The following ATRX variants were observed in gnomAD, a reference collection of about 807,000 sequenced individuals.
The protein encoded by ATRX is chromatin remodeler ATRX.
Under a neutral mutation model 172.6 loss-of-function variants are expected in ATRX, and 12 were observed. That is an observed-to-expected ratio of 0.07 (90% CI 0.04 to 0.11). The LOEUF is 0.11. ATRX is among the 10% of genes least tolerant of loss of function. The pLI is 1.00. For missense variants in ATRX, 1,368 were observed against 1,767.4 expected, an observed-to-expected ratio of 0.77 and a Z score of 4.05; for synonymous variants, 674 against 594.7, an observed-to-expected ratio of 1.13 and a Z score of -1.94.
chrX:77,718,972 T>C (rs187150732), intron 1 of ATRX, among the ~76,000 whole-genome samples: 1 of 110,590 alleles, frequency 9.0e-6, no homozygotes, highest in African/African-American at 3.3e-5. Flanking sequence ...ATTTTTTCTT[T>C]AATTTTTTGT....
chrX:77,599,330 T>C (rs1557085642), intron 25 of ATRX, 81 bp downstream of exon 25: 1 of 1,068,780 alleles, frequency 9.4e-7, no homozygotes, highest in Non-Finnish European at 1.3e-6. Flanking sequence ...ATTAGTCAGG[T>C]AAGTGACTGA....
intron 1 of ATRX, among the ~76,000 whole-genome samples, chrX:77,773,054 C>A (rs781876183): frequency 1.1e-5 from 1 of 88,852 alleles, no homozygotes; most frequent in Non-Finnish European, 2.2e-5. Flanking sequence ...ACTATGTTGC[C>A]CAGGCTGGAG....
intron 1 of ATRX, among the ~76,000 whole-genome samples, chrX:77,743,247 C>A (rs997786645): frequency 9.0e-6 from 1 of 111,122 alleles, no homozygotes; most frequent in Non-Finnish European, 1.9e-5. Flanking sequence ...GAAGGAACTC[C>A]GCCTGGACTG....
In ATRX at chrX:77,545,857, G is replaced by A. The variant is rs917533169; in HGVS notation, c.6699+11594C>T. Among the ~76,000 whole-genome samples the A allele has an allele frequency of 2.7e-5, 3 of 111,075 alleles. No homozygotes were observed. In the Admixed American group the frequency reaches 2.9e-4, roughly 11 times the overall value. Reference sequence around the variant, plus strand: ...GATTCAAACCCTGGTCTTGCCCCAGGACCCCTGTCCTTAACCACTCTGCTA... The same window carrying A: ...GATTCAAACCCTGGTCTTGCCCCAGAACCCCTGTCCTTAACCACTCTGCTA... On this transcript the variant is annotated intron_variant, in intron 30 of 34. Coordinates refer to ENST00000373344, the MANE Select transcript of ATRX (RefSeq NM_000489.6).
chrX:77,600,570 C>G lies in ATRX; in HGVS notation c.5567-6G>C, dbSNP rs782742107. On this transcript the variant is annotated splice_region_variant and splice_polypyrimidine_tract_variant and intron_variant, in intron 22 of 34. Transcript: ENST00000373344. ...TTCACTATTATTGCCCACACCTGAT[C>G]AAAAGAAATATGGTTAAAGACACAA... 8.3e-7 allele frequency: 1 copy of G among 1,209,412 alleles called. No individual in the cohort carries two copies. The highest frequency in any genetic ancestry group is 3.0e-5 in the East Asian group (1 of 33,687).
At chrX:77,608,565 A>G (rs2067020627) in intron 22 of ATRX, among the ~76,000 whole-genome samples, 1 of 110,949 alleles carries the variant, frequency 9.0e-6, no homozygotes. Context: ...ACACCTATCT[A>G]TTGCCATATA....
At chrX:77,573,790 A>T (rs2148017694) in intron 28 of ATRX, among the ~76,000 whole-genome samples, 1 of 111,591 alleles carries the variant, frequency 9.0e-6, no homozygotes, top group South Asian at 3.7e-4. Flanking sequence ...TACACTTACT[A>T]TATGACCCAG....
chrX:77,624,088 C>T (rs1247224941), intron 19 of ATRX, among the ~76,000 whole-genome samples: 1 of 111,641 alleles, frequency 9.0e-6, no homozygotes, highest in East Asian at 2.8e-4. Flanking sequence ...GGATCTGGGC[C>T]GGGTGCGGTG....
chrX:77,746,404 T>C (rs2075076479), intron 1 of ATRX, among the ~76,000 whole-genome samples: 1 of 112,007 alleles, frequency 8.9e-6, no homozygotes, highest in Non-Finnish European at 1.9e-5. Flanking sequence ...CTAGAGTTCC[T>C]AGTCTGTATA....
chrX:77,705,443 GCCAGTGTGATGGCAGCAGCCACTC>G (rs1487326545), intron 2 of ATRX, among the ~76,000 whole-genome samples: 1 of 112,375 alleles, frequency 8.9e-6, no homozygotes, highest in Non-Finnish European at 1.9e-5. Flanking sequence ...CCCTGCTGCA[GCCAGTGTGATGGCAGCAGCCACTC>G]CAGACGGCCC....
intron 30 of ATRX, among the ~76,000 whole-genome samples, chrX:77,541,613 T>C (rs2147857756): frequency 8.9e-6 from 1 of 111,853 alleles, no homozygotes; most frequent in South Asian, 3.7e-4. Flanking sequence ...AAAAAGCTTA[T>C]CCACCACAAT....
intron 22 of ATRX, among the ~76,000 whole-genome samples, chrX:77,612,795 T>C (rs1252990610): frequency 9.0e-6 from 1 of 111,285 alleles, no homozygotes; most frequent in Admixed American, 9.6e-5. Flanking sequence ...TTCTACTTTC[T>C]ACTCGTAGAG....
At chrX:77,545,359 G>A (rs1405041921) in intron 30 of ATRX, among the ~76,000 whole-genome samples, 2 of 111,861 alleles carry the variant, frequency 1.8e-5, no homozygotes, top group Non-Finnish European at 3.8e-5. Flanking sequence ...TATAGACAAT[G>A]TGTGCATATG....
chrX:77,699,888 TA>T (rs781880387), intron 2 of ATRX, among the ~76,000 whole-genome samples: 1 of 111,716 alleles, frequency 9.0e-6, no homozygotes, highest in East Asian at 2.8e-4. Flanking sequence ...CAAACTCTTC[TA>T]AAAAACAGAA....
chrX:77,642,746 T>C (rs1210502013), intron 15 of ATRX, among the ~76,000 whole-genome samples: 1 of 111,976 alleles, frequency 8.9e-6, no homozygotes, highest in East Asian at 2.8e-4. Context: ...CAGAACTATT[T>C]TGTAAACAAG....
intron 9 of ATRX, 38 bp from the exon 10 acceptor site, chrX:77,676,336 T>G (rs2070864904): frequency 8.9e-7 from 1 of 1,123,289 alleles, no homozygotes; most frequent in Non-Finnish European, 1.2e-6. Context: ...TAGCTTTAAA[T>G]AAGCTATATA....
chrX:77,527,001 A>T (rs1336464010), intron 30 of ATRX, among the ~76,000 whole-genome samples: 1 of 112,708 alleles, frequency 8.9e-6, no homozygotes, highest in Non-Finnish European at 1.9e-5. Flanking sequence ...TTTCTATCTT[A>T]AAAAGTTTCA....
At chrX:77,510,684 G>C (rs1557036142) in intron 34 of ATRX, among the ~76,000 whole-genome samples, 2 of 111,932 alleles carry the variant, frequency 1.8e-5, no homozygotes, top group African/African-American at 3.2e-5. Flanking sequence ...GGGTGCTAGT[G>C]GTCACAGGGA....
chrX:77,759,862 C>A (rs188403928), intron 1 of ATRX, among the ~76,000 whole-genome samples: 31 of 110,913 alleles, frequency 2.8e-4, no homozygotes, highest in Admixed American at 4.8e-4. Flanking sequence ...AAAAGGAAAC[C>A]ACTGGTAAAA....
Sources: allele counts gnomAD v4.1 joint callset (sites outside exome capture counted in the v4.1 genomes callset), GRCh38; gene constraint gnomAD v4.1.1; transcripts MANE v1.5; gene names NCBI Gene and HGNC (gene_info 2026-07-23, HGNC 2026-07-21).